GRM7: variants seen among roughly 807,000 people sequenced by gnomAD.
The protein encoded by GRM7 is glutamate metabotropic receptor 7, also known as metabotropic glutamate receptor 7.
GRM7 carries 35 observed loss-of-function variants against 84.5 expected under a neutral mutation model. The ratio of observed to expected loss-of-function variants is 0.41; its 90% CI spans 0.32 to 0.55. GRM7 has a LOEUF of 0.55. GRM7 is among the 20% of genes least tolerant of loss of function. GRM7 has a pLI of 0.19. For missense variants in GRM7, 1,003 were observed against 1,194.6 expected (o/e 0.84, Z 2.36); for synonymous variants, 487 against 455.1 (o/e 1.07, Z -0.89).
intron 4 of GRM7, among the ~76,000 whole-genome samples, chr3:7,396,910 C>T (rs1695234234): frequency 1.3e-5 from 2 of 151,962 alleles, no homozygotes; most frequent in Admixed American, 1.3e-4. Context: ...TTCTCCTTTC[C>T]TATAAATTAT....
intron 2 of GRM7, among the ~76,000 whole-genome samples, chr3:7,177,746 G>A (rs1429438026): frequency 6.6e-6 from 1 of 152,102 alleles, no homozygotes; most frequent in African/African-American, 2.4e-5. Context: ...TGCTACAACT[G>A]ATTAAACCTC....
chr3:7,687,768 TTC>T (rs1314258673), intron 9 of GRM7, among the ~76,000 whole-genome samples: 2 of 152,034 alleles, frequency 1.3e-5, no homozygotes, highest in Admixed American at 6.6e-5. Context: ...AATAAAATCT[TTC>T]TCTCTCTCTC....
At chr3:7,268,074 G>A (rs771083622) in intron 2 of GRM7, among the ~76,000 whole-genome samples, 8 of 152,030 alleles carry the variant, frequency 5.3e-5, no homozygotes, top group Non-Finnish European at 7.4e-5. Flanking sequence ...AATAAAAGTC[G>A]TGTTCAAATA....
intron 4 of GRM7, among the ~76,000 whole-genome samples, chr3:7,373,793 C>T (rs151212712): frequency 2.0e-4 from 30 of 146,720 alleles, no homozygotes; most frequent in Non-Finnish European, 3.4e-4. Context: ...TTCAACAGAC[C>T]GTTCTGTGAT....
intron 8 of GRM7, among the ~76,000 whole-genome samples, chr3:7,648,956 G>A (rs1315247624): frequency 2.0e-5 from 3 of 151,322 alleles, no homozygotes; most frequent in African/African-American, 7.4e-5. Context: ...GGTTAAAGGA[G>A]CAAACTGAAG....
chr3:6,899,723 A>C (rs1247307659), intron 1 of GRM7, among the ~76,000 whole-genome samples: 1 of 152,216 alleles, frequency 6.6e-6, no homozygotes, highest in Non-Finnish European at 1.5e-5. Context: ...CTGACTAATG[A>C]TAAAAATAAA....
chr3:7,480,834 C>T (rs941199112), intron 7 of GRM7, among the ~76,000 whole-genome samples: 3 of 152,142 alleles, frequency 2.0e-5, no homozygotes, highest in African/African-American at 4.8e-5. Flanking sequence ...GAAGCAACCT[C>T]GTTCAGATGA....
rs771481282 is a variant in GRM7 at position 7,423,951 on chromosome 3, G to A, written c.1174+8788G>A. ...AAGCTGGGTGCTGGCTTTAAGTACAGCCTCACTGCTGTAGAAACACAATAT... is the reference window on the plus strand; with the variant it reads ...AAGCTGGGTGCTGGCTTTAAGTACAACCTCACTGCTGTAGAAACACAATAT... On this transcript the variant is annotated intron_variant, in intron 5 of 9. Transcript: ENST00000357716. Among the ~76,000 whole-genome samples the A allele has an allele frequency of 3.3e-5, 5 of 152,180 alleles. No individual in the cohort carries two copies. In the South Asian group the frequency reaches 6.2e-4, roughly 19 times the overall value.
At chr3:7,638,115 T>A (rs1698186473) in intron 8 of GRM7, among the ~76,000 whole-genome samples, 1 of 152,220 alleles carries the variant, frequency 6.6e-6, no homozygotes, top group Admixed American at 6.5e-5. Flanking sequence ...CTACTTCTTC[T>A]TCATTTATTT....
chr3:7,520,030 A>G (rs979817981), intron 7 of GRM7: 1 of 152,236 alleles, frequency 6.6e-6, no homozygotes, highest in African/African-American at 2.4e-5. Flanking sequence ...GAATGCGATC[A>G]AGAGAGACAG....
chr3:7,348,378 G>A (rs1692984372), intron 4 of GRM7, among the ~76,000 whole-genome samples: 1 of 151,920 alleles, frequency 6.6e-6, no homozygotes, highest in South Asian at 2.1e-4. Context: ...ACTTTCTACT[G>A]ATATCCTGCT....
At chr3:7,401,642 A>G (rs934334512) in intron 4 of GRM7, among the ~76,000 whole-genome samples, 2 of 152,218 alleles carry the variant, frequency 1.3e-5, no homozygotes, top group Admixed American at 6.5e-5. Context: ...ATTTCCAAAT[A>G]TACTGAATAT....
At chr3:7,634,629 C>T (rs913891857) in intron 8 of GRM7, among the ~76,000 whole-genome samples, 1 of 151,584 alleles carries the variant, frequency 6.6e-6, no homozygotes, top group Non-Finnish European at 1.5e-5. Context: ...ACCATCTGTA[C>T]TAAAAATACA....
intron 8 of GRM7, among the ~76,000 whole-genome samples, chr3:7,656,624 C>A (rs1345277228): frequency 2.0e-5 from 3 of 150,694 alleles, no homozygotes; most frequent in African/African-American, 7.3e-5. Flanking sequence ...GTTTTATGTC[C>A]CCAGGGGTAG....
chr3:7,506,987 A>G (rs1700059148), intron 7 of GRM7, among the ~76,000 whole-genome samples: 1 of 152,200 alleles, frequency 6.6e-6, no homozygotes, highest in African/African-American at 2.4e-5. Flanking sequence ...CAGCCTTCAT[A>G]TCACCATTTT....
intron 4 of GRM7, among the ~76,000 whole-genome samples, chr3:7,360,163 G>A (rs1309858584): frequency 7.0e-6 from 1 of 143,100 alleles, no homozygotes; most frequent in Non-Finnish European, 1.5e-5. Flanking sequence ...GTGTGTGTGT[G>A]TGTGTGTGTG....
intron 7 of GRM7, among the ~76,000 whole-genome samples, chr3:7,577,987 G>A (rs1235432423): frequency 6.6e-6 from 1 of 152,112 alleles, no homozygotes; most frequent in Admixed American, 6.5e-5. Flanking sequence ...CTAGTTTTTT[G>A]TTTGTTTTTG....
chr3:7,389,991 C>G (rs1421402428), intron 4 of GRM7, among the ~76,000 whole-genome samples: 1 of 151,948 alleles, frequency 6.6e-6, no homozygotes, highest in Non-Finnish European at 1.5e-5. Flanking sequence ...GTAGCTAGTA[C>G]TGTTTTTACA....
At chr3:6,980,973 C>G (rs1474686779) in intron 1 of GRM7, among the ~76,000 whole-genome samples, 1 of 152,124 alleles carries the variant, frequency 6.6e-6, no homozygotes, top group Non-Finnish European at 1.5e-5. Flanking sequence ...TTTCCCAGTG[C>G]AAAGTCTTGA....
Sources: allele counts gnomAD v4.1 joint callset (sites outside exome capture counted in the v4.1 genomes callset), GRCh38; gene constraint gnomAD v4.1.1; transcripts MANE v1.5; gene names NCBI Gene and HGNC (gene_info 2026-07-23, HGNC 2026-07-21).